Variants in DNM2 observed in about 807,000 individuals in gnomAD.
DNM2 encodes the protein dynamin 2.
DNM2 carries 15 observed loss-of-function variants against 99.0 expected under a neutral mutation model. That is an observed-to-expected ratio of 0.15 (90% confidence interval 0.10 to 0.23). The LOEUF is 0.23. Ranked by LOEUF, DNM2 falls within the 10% of genes least tolerant of loss-of-function variation. DNM2 has a pLI of 1.00. For synonymous variants in DNM2, 525 were observed against 481.2 expected, an observed-to-expected ratio of 1.09 and a Z score of -1.19; for missense variants, 742 against 1,189.4, an observed-to-expected ratio of 0.62 and a Z score of 5.53.
rs1263916551 is a variant in DNM2, at chr19:10,825,084, A to G, written c.1921A>G (p.Asn641Asp). Residue 641 changes from asparagine to aspartate, a missense_variant, in exon 18 of 21, where the codon AAC becomes GAC. Physicochemically the swap from Asn to Asp is conservative, Grantham distance 23. Around this residue, in one of 7 missense-constraint regions of DNM2, gnomAD observed 240 missense variants for 431.3 expected, o/e 0.56. Coordinates refer to ENST00000389253, the MANE Select transcript of DNM2 (RefSeq NM_001005361.3). ...AGAAAACGAGGATGGGGCCCAGGAG[A>G]ACACCTTCTCCATGGACCCCCAACT... is the stretch of plus-strand genomic sequence containing the variant. ...QAENEDGAQE[N>D]TFSMDPQLER... 6.2e-7 allele frequency: 1 copy of G among 1,614,194 alleles called. No homozygotes were observed.
rs555577041 is a variant in DNM2 at position 10,825,663 on chromosome 19, C to T, written c.2058+442C>T. On this transcript the variant is annotated intron_variant, in intron 18 of 20. Coordinates refer to ENST00000389253, the MANE Select transcript of DNM2 (RefSeq NM_001005361.3). ...CAGCCTGGGCGACAGAGTGAGACTC[C>T]GTCTCAAGAAAAGAGAGAGAGAGAG... Among the ~76,000 whole-genome samples the T allele has an allele frequency of 2.2e-3, 308 of 142,066 alleles. 3 individuals are homozygous for T. The highest frequency in any genetic ancestry group is 3.9e-3 in the Non-Finnish European group (255 of 64,974). The allele number at this position is 142,066 out of a possible 152,430, so 93.2% of individuals were successfully genotyped here.
At chr19:10,759,980 C>T (rs915356344) in intron 2 of DNM2, among the ~76,000 whole-genome samples, 169 bp downstream of exon 2, 1 of 152,152 alleles carries the variant, frequency 6.6e-6, no homozygotes, top group Admixed American at 6.6e-5. Flanking sequence ...AACACTTACA[C>T]ACCCACACTG....
intron 2 of DNM2, among the ~76,000 whole-genome samples, chr19:10,762,634 A>G (rs73498589): frequency 2.7e-4 from 41 of 152,326 alleles, no homozygotes; most frequent in African/African-American, 9.6e-4. Flanking sequence ...CCTGACCCGG[A>G]TGAACGATGA....
Position 10,795,899 on chromosome 19 carries a change from G to T in DNM2, c.1196+460G>T. The T allele has an allele frequency of 8.2e-7, 1 of 1,214,726 alleles. No homozygotes were observed. The highest frequency in any genetic ancestry group is 1.2e-6 in the Non-Finnish European group (1 of 835,124). 75.2% of individuals were successfully genotyped at this position (1,214,726 alleles called of 1,614,324 possible). ...CCTTCCATCGCCGTGGGGTCCTCGG[G>T]TCACCCTGAGGGTTTCCGGGCAGTG... On this transcript the variant is annotated intron_variant, in intron 9 of 20. Transcript: ENST00000389253. This position sits in a 1 kb window ranked among gnomAD's most constrained non-coding sequence, Gnocchi z 4.2.
At position 10,816,039 on chromosome 19, in the gene DNM2, G is replaced by A. The variant is rs994059539; in HGVS notation, c.1671+3662G>A. On this transcript the variant is annotated intron_variant, in intron 15 of 20. Transcript: ENST00000389253. The surrounding 1 kb of genome is among the most constrained non-coding windows in gnomAD (Gnocchi z 4.6). ...CTACTCCCCGTGAGGAAACCCTCAC[G>A]CTTGCTATTCGGGTGGCTCTGTGGT... is the stretch of plus-strand genomic sequence containing the variant. Among the ~76,000 whole-genome samples, 2 of 152,096 alleles carry A rather than the reference G, an allele frequency of 1.3e-5. No homozygotes were observed. Among genetic ancestry groups the A allele is most frequent in the African/African-American group, 2.4e-5 (1 of 41,424 alleles).
intron 5 of DNM2, among the ~76,000 whole-genome samples, chr19:10,781,988 T>C (rs576783587): frequency 2.0e-5 from 3 of 152,280 alleles, no homozygotes; most frequent in Non-Finnish European, 4.4e-5. Flanking sequence ...ACTCGTTTGA[T>C]AGTGGATTTT....
chr19:10,721,615 C>G (rs2068944392), intron 1 of DNM2, among the ~76,000 whole-genome samples: 1 of 152,120 alleles, frequency 6.6e-6, no homozygotes, highest in African/African-American at 2.4e-5. Context: ...GCAGTCCTAG[C>G]TCATTGCAGC....
At position 10,831,254 on chromosome 19, in the gene DNM2, C is replaced by T; in HGVS notation, c.*207C>T. 1 of 1,323,190 alleles carries T rather than the reference C, an allele frequency of 7.6e-7. No individual in the cohort carries two copies. The highest frequency in any genetic ancestry group is 9.6e-7 in the Non-Finnish European group (1 of 1,040,250). 82.0% of individuals were successfully genotyped at this position (1,323,190 alleles called of 1,614,324 possible). On this transcript the variant is annotated 3_prime_UTR_variant, in exon 21 of 21. Transcript: ENST00000389253. The surrounding 1 kb of genome is among the most constrained non-coding windows in gnomAD (Gnocchi z 4.3). ...CGCAAAGGGGCCCTGGAGCTCCAGGCAGGGGGCGCTGGGGTGTTGCACTTT... is the reference window on the plus strand; with the variant it reads ...CGCAAAGGGGCCCTGGAGCTCCAGGTAGGGGGCGCTGGGGTGTTGCACTTT...
At chr19:10,797,719 G>A (rs2071988551) in intron 10 of DNM2, among the ~76,000 whole-genome samples, 1 of 152,188 alleles carries the variant, frequency 6.6e-6, no homozygotes, top group South Asian at 2.1e-4. Context: ...TGCCCGTGGG[G>A]GCGGTCAGCC....
chr19:10,819,701 G>C (rs960622812), intron 15 of DNM2, among the ~76,000 whole-genome samples: 2 of 152,182 alleles, frequency 1.3e-5, no homozygotes, highest in African/African-American at 4.8e-5. Context: ...AGTTAGGGCA[G>C]GAGGGAGCCA....
rs908385483 is a variant in DNM2 at position 10,796,532 on chromosome 19, C to T, written c.1197-848C>T. On this transcript the variant is annotated intron_variant, in intron 9 of 20. Coordinates refer to ENST00000389253, the MANE Select transcript of DNM2 (RefSeq NM_001005361.3). The surrounding 1 kb of genome is among the most constrained non-coding windows in gnomAD (Gnocchi z 5.6). Reference sequence around the variant, plus strand: ...TCCTGGGAAGCAGAGAGGGACCCCCCGCGTCAACTGCTGGAGGCTGAGCTC... The same window carrying T: ...TCCTGGGAAGCAGAGAGGGACCCCCTGCGTCAACTGCTGGAGGCTGAGCTC... Among the ~76,000 whole-genome samples the T allele has an allele frequency of 3.3e-5, 5 of 152,146 alleles. No homozygotes were observed. The highest frequency in any genetic ancestry group is 7.2e-5 in the African/African-American group (3 of 41,430).
Position 10,831,286 on chromosome 19 carries a change from T to G in DNM2, c.*239T>G. 2 of 1,288,208 alleles carry G rather than the reference T, an allele frequency of 1.6e-6. No individual in the cohort carries two copies. Among genetic ancestry groups the G allele is most frequent in the East Asian group, 3.3e-5 (1 of 30,726 alleles). 79.8% of individuals were successfully genotyped at this position (1,288,208 alleles called of 1,614,324 possible). On this transcript the variant is annotated 3_prime_UTR_variant, in exon 21 of 21. Transcript: ENST00000389253. This position sits in a 1 kb window ranked among gnomAD's most constrained non-coding sequence, Gnocchi z 4.3. ...CGCTGGGGTGTTGCACTTTGGGGGA[T>G]GGAGTCTCAGGGTGGCAGAGGGGGG...
At chr19:10,746,526 C>T (rs1432833697) in intron 1 of DNM2, among the ~76,000 whole-genome samples, 3 of 151,956 alleles carry the variant, frequency 2.0e-5, no homozygotes, top group East Asian at 3.9e-4. Context: ...CAGGTTCAAG[C>T]GATTCTCCCA....
In DNM2 at chr19:10,794,237, A is replaced by G. The variant is rs558782779; in HGVS notation, c.1128+382A>G. On this transcript the variant is annotated intron_variant, in intron 8 of 20. Coordinates refer to ENST00000389253, the MANE Select transcript of DNM2 (RefSeq NM_001005361.3). ...CTGAGCTGATATATACAACATCCTT[A>G]TGTATGAAACTGAACATGGATGTCT... Among the ~76,000 whole-genome samples the G allele has an allele frequency of 2.0e-5, 3 of 152,230 alleles. No homozygotes were observed. The South Asian group carries it at 6.2e-4, about 32-fold the overall frequency.
chr19:10,824,907 A>C, intron 17 of DNM2, 150 bp from the exon 18 acceptor site: 1 of 1,266,316 alleles, frequency 7.9e-7, no homozygotes, highest in Non-Finnish European at 1.1e-6. Context: ...GCTCTGGCCC[A>C]GGGCAAGCAG....
In DNM2 at chr19:10,772,557, C is replaced by T. The variant is rs1240228654; in HGVS notation, c.314C>T (p.Thr105Ile). 6.2e-7 allele frequency: 1 copy of T among 1,614,192 alleles called. No homozygotes were observed. Among genetic ancestry groups the T allele is most frequent in the South Asian group, 1.1e-5 (1 of 91,084 alleles). Residue 105 changes from threonine to isoleucine, a missense_variant, in exon 3 of 21, where the codon ACC becomes ATC. Physicochemically the swap from Thr to Ile is moderately conservative, Grantham distance 89. This residue lies in a region of DNM2 where 192 missense variants were observed against 358.9 expected (regional missense o/e 0.54). Transcript: ENST00000389253. The surrounding 1 kb of genome is among the most constrained non-coding windows in gnomAD (Gnocchi z 4.9). ...GTCCGGCAGGAGATTGAAGCAGAGACCGACAGGGTCACGGGGACCAACAAA... is the reference window on the plus strand; with the variant it reads ...GTCCGGCAGGAGATTGAAGCAGAGATCGACAGGGTCACGGGGACCAACAAA... ...DEVRQEIEAE[T>I]DRVTGTNKGI...
chr19:10,830,869 A>G lies in DNM2; in HGVS notation c.2544-109A>G. The G allele has an allele frequency of 2.2e-6, 3 of 1,340,264 alleles. No homozygotes were observed. The highest frequency in any genetic ancestry group is 3.0e-6 in the Non-Finnish European group (3 of 994,654). 83.0% of individuals were successfully genotyped at this position (1,340,264 alleles called of 1,614,324 possible). On this transcript the variant is annotated intron_variant, in intron 20 of 20. Coordinates refer to ENST00000389253, the MANE Select transcript of DNM2 (RefSeq NM_001005361.3). This position sits in a 1 kb window ranked among gnomAD's most constrained non-coding sequence, Gnocchi z 4.8. ...GGCTTGCGGAGGTCAGCCTGGGAAC[A>G]CCCTGGGGTGGTGTGTGGGTGGGGG...
rs1423047490 is a variant in DNM2, at chr19:10,812,010, CT to C, written c.1558-253del. 2 of 499,970 alleles carry C rather than the reference CT, an allele frequency of 4.0e-6. No homozygotes were observed. The highest frequency in any genetic ancestry group is 7.8e-6 in the Non-Finnish European group (2 of 255,858). The allele number at this position is 499,970 out of a possible 1,614,324, so 31.0% of individuals were successfully genotyped here. A position where few individuals can be genotyped will look rare whatever the true frequency, so the allele number is the denominator to read the frequency against. On this transcript the variant is annotated intron_variant, in intron 14 of 20. Transcript: ENST00000389253. This position sits in a 1 kb window ranked among gnomAD's most constrained non-coding sequence, Gnocchi z 4.0. ...CCATGGGCCCCTTTCCATCAGGCCT[CT>C]GTGAGTCTATACCCCATCAGCCCCT...
chr19:10,827,475 A>C (rs1400592068), intron 18 of DNM2, among the ~76,000 whole-genome samples: 1 of 152,176 alleles, frequency 6.6e-6, no homozygotes, highest in Non-Finnish European at 1.5e-5. Flanking sequence ...AAGCTGAGGC[A>C]GGAAGATCAC....
Sources: allele counts gnomAD v4.1 joint callset (sites outside exome capture counted in the v4.1 genomes callset), GRCh38; gene constraint gnomAD v4.1.1; regional missense constraint gnomAD v4.1.1; non-coding constraint Gnocchi (gnomAD v3.1); transcripts MANE v1.5; gene names NCBI Gene and HGNC (gene_info 2026-07-23, HGNC 2026-07-21).